ZNF560: variants seen among roughly 807,000 people sequenced by gnomAD.
ZNF560 encodes zinc finger protein 560.
In ZNF560, 54 loss-of-function variants were observed where a neutral mutation model predicts 81.8. That is an observed-to-expected ratio of 0.66 (90% CI 0.53 to 0.83). The LOEUF (loss-of-function observed/expected upper bound fraction) is 0.83. Ranked by LOEUF, ZNF560 falls within the 40% of genes least tolerant of loss-of-function variation. The probability of loss-of-function intolerance (pLI) is 0.00; values close to 1 mark genes in which losing one functional copy is unlikely to be tolerated. For missense variants in ZNF560, 940 were observed against 932.4 expected, an observed-to-expected ratio of 1.01 and a Z score of -0.11; for synonymous variants, 321 against 317.9, an observed-to-expected ratio of 1.01 and a Z score of -0.10.
chr19:9,461,261 A>G, the ZNF560 span, among the ~76,000 whole-genome samples: 1 of 152,096 alleles, frequency 6.6e-6, no homozygotes. Flanking sequence ...TGACACCCCT[A>G]ATTATCATGT....
chr19:9,479,474 T>C (rs2073251981), intron 2 of ZNF560, among the ~76,000 whole-genome samples: 1 of 152,132 alleles, frequency 6.6e-6, no homozygotes, highest in South Asian at 2.1e-4. Flanking sequence ...AAAGTGAACT[T>C]TAAGTCAAAA....
At chr19:9,485,888 G>C (rs1309086986) in intron 2 of ZNF560, among the ~76,000 whole-genome samples, 1 of 152,080 alleles carries the variant, frequency 6.6e-6, no homozygotes, top group Non-Finnish European at 1.5e-5. Flanking sequence ...AGTATCTTAG[G>C]GGAAGAGGGA....
chr19:9,484,399 CTG>C, intron 2 of ZNF560, among the ~76,000 whole-genome samples: 1 of 152,150 alleles, frequency 6.6e-6, no homozygotes, highest in East Asian at 1.9e-4. Flanking sequence ...TTGAAATGAC[CTG>C]TGTCTGAATT....
chr19:9,468,445 A>G (rs892500482), intron 9 of ZNF560, 111 bp from the exon 10 acceptor site: 11 of 770,322 alleles, frequency 1.4e-5, no homozygotes, highest in Non-Finnish European at 9.9e-6. Flanking sequence ...TATAACATGC[A>G]TATAGTTTCT....
At chr19:9,481,643 T>C (rs777103931) in intron 2 of ZNF560, among the ~76,000 whole-genome samples, 15,532 of 152,128 alleles carry the variant, frequency 0.1, 946 homozygotes, top group South Asian at 0.2. Flanking sequence ...CAAAAGAAGA[T>C]ATGTATGCAG....
At chr19:9,456,988 A>G in the ZNF560 span, among the ~76,000 whole-genome samples, 1 of 152,360 alleles carries the variant, frequency 6.6e-6, no homozygotes, top group East Asian at 1.9e-4. Context: ...AAGACTTAGG[A>G]TACCATTTTT....
At chr19:9,497,919 A>C (rs2144735282) in intron 2 of ZNF560, among the ~76,000 whole-genome samples, 1 of 152,310 alleles carries the variant, frequency 6.6e-6, no homozygotes, top group East Asian at 1.9e-4. Flanking sequence ...TTTAGTAGAA[A>C]GACTCGCGGT....
intron 2 of ZNF560, among the ~76,000 whole-genome samples, chr19:9,492,997 G>T (rs991344112): frequency 1.3e-5 from 2 of 152,002 alleles, no homozygotes; most frequent in Non-Finnish European, 2.9e-5. Context: ...AGAAGAAAAA[G>T]AAAAATAAGG....
Position 9,466,979 on chromosome 19 carries a change from A to T in ZNF560, c.1968T>A (p.Tyr656Ter). 6.2e-7 allele frequency: 1 copy of T among 1,614,038 alleles called. No homozygotes were observed. The highest frequency in any genetic ancestry group is 2.2e-5 in the East Asian group (1 of 44,876). The change falls in exon 10 of 10, where the codon TAT becomes TAA. Residue 656 changes from tyrosine (Y) to a stop codon, truncating the protein, a stop_gained. Transcript: ENST00000301480. LOFTEE classifies it high-confidence loss of function. Reference sequence around the variant, plus strand: ...AAGCTTTTTCACATGCATTACATTTATAGGGTTTATATCCAGTGTGAGTTC... The same window carrying T: ...AAGCTTTTTCACATGCATTACATTTTTAGGGTTTATATCCAGTGTGAGTTC... Reference protein sequence around the residue: ...HLRTHTGYKPYKCNACEKAYS... With the variant: ...HLRTHTGYKP
In ZNF560 at chr19:9,468,353, A is replaced by G; in HGVS notation, c.613-19T>C. ...TTCTTGCCTGTTAACACAGGAATGA[A>G]CAATAAAGGAAGCATTTTAGCAGAC... On this transcript the variant is annotated intron_variant, in intron 9 of 9. Coordinates refer to ENST00000301480, the MANE Select transcript of ZNF560 (RefSeq NM_152476.3). 2 of 1,544,576 alleles carry G rather than the reference A, an allele frequency of 1.3e-6. No homozygotes were observed. Among genetic ancestry groups the G allele is most frequent in the Non-Finnish European group, 1.7e-6 (2 of 1,148,184 alleles).
At chr19:9,448,234 GTTT>G in the ZNF560 span, among the ~76,000 whole-genome samples, 215 of 151,696 alleles carry the variant, frequency 1.4e-3, 1 homozygote, top group African/African-American at 4.8e-3. Flanking sequence ...GTGGCGGGGG[GTTT>G]GTTTGTTTGT....
Position 9,472,232 on chromosome 19 carries a change from T to A in ZNF560, c.239-854A>T, listed in dbSNP as rs551664202. ...TGGGGCCTGGTGGGAGATGTTTGGA[T>A]CATGGGGGTGGGTCCTTCATGAATG... On this transcript the variant is annotated intron_variant, in intron 5 of 9. Transcript: ENST00000301480. Among the ~76,000 whole-genome samples the A allele has an allele frequency of 5.3e-5, 8 of 152,186 alleles. No homozygotes were observed. In the East Asian group the frequency reaches 1.5e-3, roughly 29 times the overall value.
chr19:9,499,242 C>T (rs2073610813), upstream of ZNF560, among the ~76,000 whole-genome samples: 1 of 151,950 alleles, frequency 6.6e-6, no homozygotes, highest in South Asian at 2.1e-4. Context: ...GGTAGGAACA[C>T]GGCTCACTGC....
intron 2 of ZNF560, among the ~76,000 whole-genome samples, chr19:9,481,696 A>C (rs1302034528): frequency 1.3e-5 from 2 of 152,190 alleles, no homozygotes; most frequent in Non-Finnish European, 2.9e-5. Flanking sequence ...CTGGTCATCA[A>C]AGAAATGCAA....
intron 2 of ZNF560, among the ~76,000 whole-genome samples, chr19:9,490,415 C>T (rs1247879860): frequency 6.6e-6 from 1 of 152,134 alleles, no homozygotes; most frequent in Non-Finnish European, 1.5e-5. Flanking sequence ...ACTGAATGTA[C>T]CAATAATTGG....
At position 9,474,297 on chromosome 19, in the gene ZNF560, A is replaced by G. The variant is rs757642878; in HGVS notation, c.59T>C (p.Val20Ala). ...QYSVTFEDTA[V>A]DFTQEEWILL... ...AATCCACTCCTCCTGGGTGAAGTCC[A>G]CAGCTGTATCCTCAAAGGTCACGGA... Residue 20 changes from valine to alanine, a missense_variant, in exon 4 of 10, where the codon GTG (valine) becomes GCG (alanine). Val to Ala is a moderately conservative substitution (Grantham distance 64, BLOSUM62 0). Transcript: ENST00000301480. 1.9e-6 allele frequency: 3 copies of G among 1,614,052 alleles called. No individual in the cohort carries two copies.
the ZNF560 span, among the ~76,000 whole-genome samples, chr19:9,455,615 T>A: frequency 3.3e-5 from 5 of 152,180 alleles, no homozygotes; most frequent in African/African-American, 1.2e-4. Context: ...AAGAACCCTA[T>A]GCAGATTTTA....
chr19:9,503,936 A>G, the ZNF560 span, among the ~76,000 whole-genome samples: 3 of 152,232 alleles, frequency 2.0e-5, no homozygotes, highest in Non-Finnish European at 4.4e-5. Flanking sequence ...AACGAAGCTA[A>G]TTAACATATC....
chr19:9,450,654 C>G, the ZNF560 span, among the ~76,000 whole-genome samples: 1 of 152,120 alleles, frequency 6.6e-6, no homozygotes, highest in East Asian at 1.9e-4. Context: ...ATCAGCCTCC[C>G]GAGTATCTGG....
Sources: gnomAD v4.1 joint callset for allele counts (sites outside exome capture counted in the v4.1 genomes callset) on GRCh38, gnomAD v4.1.1 for gene constraint, MANE v1.5 for transcripts, NCBI Gene and HGNC (gene_info 2026-07-23, HGNC 2026-07-21) for gene names.